The following TENM4 variants were observed in gnomAD, a reference collection of about 807,000 sequenced individuals.
TENM4 encodes teneurin transmembrane protein 4, also known as teneurin-4.
TENM4 carries 82 observed loss-of-function variants against 243.3 expected under a neutral mutation model. That is an observed-to-expected ratio of 0.34 (90% CI 0.28 to 0.40). TENM4 has a LOEUF of 0.40. TENM4 is among the 10% of genes least tolerant of loss of function. TENM4 has a pLI of 1.00. For synonymous variants in TENM4, 1,412 were observed against 1,456.3 expected (o/e 0.97, Z 0.69); for missense variants, 3,138 against 3,673.3 (o/e 0.85, Z 3.77).
chr11:79,409,848 T>C (rs1858661396), intron 1 of TENM4, among the ~76,000 whole-genome samples: 2 of 152,152 alleles, frequency 1.3e-5, no homozygotes, highest in Admixed American at 1.3e-4. Flanking sequence ...GATGGAACAA[T>C]AGTCCAGCAA....
intron 3 of TENM4, among the ~76,000 whole-genome samples, chr11:79,156,596 C>T (rs1862623154): frequency 6.6e-6 from 1 of 152,148 alleles, no homozygotes. Flanking sequence ...TGAAAGCCTT[C>T]CTCACCCTCT....
rs377309749 is a variant in TENM4 at position 79,409,101 on chromosome 11, TGCGCGC to T, written c.-321+31402_-321+31407del. On this transcript the variant is annotated intron_variant, in intron 1 of 33. Transcript: ENST00000278550. ...GTGTGTGTGTGTGTGTGTGTGTGTGTGCGCGCGCGCGCGTGCGTGCACGCGCACGCA... is the reference window on the plus strand; with the variant it reads ...GTGTGTGTGTGTGTGTGTGTGTGTGTGCGCGCGTGCGTGCACGCGCACGCA... Among the ~76,000 whole-genome samples, 55 of 103,674 alleles carry T rather than the reference TGCGCGC, an allele frequency of 5.3e-4. 1 individual carries two copies. In the East Asian group the frequency reaches 7.5e-3, roughly 14 times the overall value. The allele number at this position is 103,674 out of a possible 152,430, so 68.0% of individuals were successfully genotyped here.
chr11:78,867,509 G>A (rs1859012938), intron 9 of TENM4, among the ~76,000 whole-genome samples: 1 of 152,194 alleles, frequency 6.6e-6, no homozygotes, highest in African/African-American at 2.4e-5. Flanking sequence ...GGAGAGGGAA[G>A]GGAGAGAAGT....
intron 33 of TENM4, among the ~76,000 whole-genome samples, chr11:78,659,226 T>G (rs549257303): frequency 2.8e-4 from 42 of 152,342 alleles, no homozygotes; most frequent in Non-Finnish European, 4.0e-4. Context: ...ATAGCTAACA[T>G]TTCTTGATGT....
At chr11:79,316,084 C>T (rs1355424) in intron 1 of TENM4, among the ~76,000 whole-genome samples, 39,735 of 151,982 alleles carry the variant, frequency 0.26, 5,407 homozygotes, top group African/African-American at 0.31. Context: ...GTCTGAAAGG[C>T]GCTGCTTGTT....
intron 2 of TENM4, among the ~76,000 whole-genome samples, chr11:79,286,623 C>T (rs556347527): frequency 6.1e-4 from 92 of 151,898 alleles, no homozygotes; most frequent in Non-Finnish European, 1.1e-3. Flanking sequence ...GAGCCAGAAT[C>T]GTGCCACGGC....
At chr11:79,085,695 G>T (rs147369770) in intron 4 of TENM4, among the ~76,000 whole-genome samples, 1 of 152,032 alleles carries the variant, frequency 6.6e-6, no homozygotes. Context: ...CCTCACTCAC[G>T]TTGTCTCCAT....
chr11:79,189,659 G>T (rs1037210107), intron 3 of TENM4, among the ~76,000 whole-genome samples: 8 of 152,202 alleles, frequency 5.3e-5, no homozygotes, highest in Non-Finnish European at 1.0e-4. Flanking sequence ...TTATGCTCTG[G>T]ATATGTAGTG....
chr11:78,835,705 G>A (rs1233302278), intron 12 of TENM4, among the ~76,000 whole-genome samples: 1 of 152,136 alleles, frequency 6.6e-6, no homozygotes. Context: ...TGAGGTCTCA[G>A]CTTAGATGTC....
intron 24 of TENM4, among the ~76,000 whole-genome samples, chr11:78,720,814 AG>A (rs1859630357): frequency 6.6e-6 from 1 of 152,210 alleles, no homozygotes; most frequent in Non-Finnish European, 1.5e-5. Flanking sequence ...GTCACTTCCC[AG>A]GAGCCTCCTC....
intron 6 of TENM4, among the ~76,000 whole-genome samples, chr11:78,992,849 G>C (rs918387490): frequency 2.0e-5 from 3 of 152,094 alleles, no homozygotes; most frequent in Non-Finnish European, 2.9e-5. Flanking sequence ...TTAATTAGGT[G>C]TATATAAATG....
intron 14 of TENM4, 148 bp downstream of exon 14, chr11:78,811,974 T>G: frequency 1.1e-6 from 1 of 922,804 alleles, no homozygotes; most frequent in African/African-American, 1.7e-5. Flanking sequence ...GATTAGTTAC[T>G]GTTGCTGGTG....
intron 6 of TENM4, among the ~76,000 whole-genome samples, chr11:79,048,123 G>C (rs936415484): frequency 6.6e-6 from 1 of 152,108 alleles, no homozygotes; most frequent in Admixed American, 6.6e-5. Flanking sequence ...GCCAGGAGCT[G>C]GCCTGGCACT....
chr11:79,433,029 T>TTTATTTCCACTGTTTGTGGAAATAAAGA (rs1362750331), intron 1 of TENM4, among the ~76,000 whole-genome samples: 4 of 152,242 alleles, frequency 2.6e-5, no homozygotes, highest in Non-Finnish European at 2.9e-5. Context: ...CCCTCTGCAC[T>TTTATTTCCACTGTTTGTGGAAATAAAGA]TTATTTCCAC....
At chr11:79,207,958 A>T (rs1364041674) in intron 3 of TENM4, among the ~76,000 whole-genome samples, 1 of 151,846 alleles carries the variant, frequency 6.6e-6, no homozygotes, top group African/African-American at 2.4e-5. Context: ...GAGCAACGGG[A>T]AGCCACTGAA....
intron 6 of TENM4, among the ~76,000 whole-genome samples, chr11:79,040,528 C>T (rs1242153413): frequency 6.6e-6 from 1 of 152,186 alleles, no homozygotes; most frequent in African/African-American, 2.4e-5. Flanking sequence ...ATTCCAGGCA[C>T]CCTGTGATTT....
At chr11:78,828,729 T>C (rs539127172) in intron 12 of TENM4, among the ~76,000 whole-genome samples, 1 of 152,380 alleles carries the variant, frequency 6.6e-6, no homozygotes, top group South Asian at 2.1e-4. Context: ...AGATACTTCC[T>C]CAGCCTCTAG....
chr11:79,343,899 T>C (rs1857283297), intron 1 of TENM4, among the ~76,000 whole-genome samples: 1 of 152,258 alleles, frequency 6.6e-6, no homozygotes, highest in Non-Finnish European at 1.5e-5. Flanking sequence ...GGGGCTTGTG[T>C]CTGCCACGGT....
At chr11:79,217,002 C>G (rs112568203) in intron 2 of TENM4, among the ~76,000 whole-genome samples, 74 of 152,272 alleles carry the variant, frequency 4.9e-4, no homozygotes, top group African/African-American at 1.6e-3. Flanking sequence ...TGACTTCCCC[C>G]CTCTAAGCCT....
Sources: gnomAD v4.1 joint callset for allele counts (sites outside exome capture counted in the v4.1 genomes callset) on GRCh38, gnomAD v4.1.1 for gene constraint, MANE v1.5 for transcripts, NCBI Gene and HGNC (gene_info 2026-07-23, HGNC 2026-07-21) for gene names.